The following RABEP2 variants were observed in gnomAD, a reference collection of about 807,000 sequenced individuals.
RABEP2 encodes the protein rab GTPase-binding effector protein 2.
In RABEP2, 57 loss-of-function variants were observed where a neutral mutation model predicts 74.1. The observed-to-expected ratio is 0.77, with a 90% confidence interval of 0.62 to 0.96. The LOEUF (loss-of-function observed/expected upper bound fraction) is 0.96, where lower values mean the gene tolerates loss of function less well. Among genes scored for constraint, RABEP2 ranks in the 40% least tolerant of loss-of-function variants. The pLI, the probability that RABEP2 is intolerant of heterozygous loss-of-function variation, is 0.00. For synonymous variants in RABEP2, 351 were observed against 344.0 expected, an observed-to-expected ratio of 1.02 and a Z score of -0.23; for missense variants, 692 against 756.3, an observed-to-expected ratio of 0.91 and a Z score of 1.00.
At chr16:28,905,795 T>C (rs1279479181) in intron 10 of RABEP2, 36 bp from the exon 11 acceptor site, 1 of 1,613,884 alleles carries the variant, frequency 6.2e-7, no homozygotes. Context: ...GTCAGGGCCA[T>C]GCCCTCTCCC....
In RABEP2 at chr16:28,906,166, GC is replaced by G. The variant is rs1180145600; in HGVS notation, c.1275del (p.Gln426LysfsTer22). The G allele has an allele frequency of 6.3e-7, 1 of 1,590,810 alleles. No homozygotes were observed. Among genetic ancestry groups the G allele is most frequent in the Non-Finnish European group, 8.5e-7 (1 of 1,174,168 alleles). On this transcript the variant is annotated frameshift_variant, in exon 9 of 13. Transcript: ENST00000358201. LOFTEE classifies it high-confidence loss of function. ...GCCTGCAGCCGGGCCCTCGCCTCTT[GC>G]CGCGTGCAGCACAGCAGCTGCTGCA... ...PELQQLLCCT[R>X]QEARARLQAQ... is the part of the protein sequence containing the mutation.
intron 5 of RABEP2, among the ~76,000 whole-genome samples, chr16:28,913,236 G>A (rs556442752): frequency 1.3e-5 from 2 of 149,778 alleles, no homozygotes; most frequent in African/African-American, 2.5e-5. Context: ...GGCCTGCCCC[G>A]GTCTTTAAGA....
intron 3 of RABEP2, among the ~76,000 whole-genome samples, chr16:28,915,915 C>T (rs1964386988): frequency 6.6e-6 from 1 of 151,448 alleles, no homozygotes; most frequent in Admixed American, 6.6e-5. Flanking sequence ...TCTCTGCTCA[C>T]TGCTACCTCT....
Position 28,904,486 on chromosome 16 carries a change from T to C in RABEP2, c.*457A>G. On this transcript the variant is annotated 3_prime_UTR_variant, in exon 13 of 13. Transcript: ENST00000358201. ...AGTCTGGCCTTGCCTCTGTGCAAGC[T>C]TGGAGGCCTGGGTCGCCGCTGTGGA... 1.3e-6 allele frequency: 2 copies of C among 1,502,570 alleles called. No homozygotes were observed. Among genetic ancestry groups the C allele is most frequent in the Non-Finnish European group, 1.8e-6 (2 of 1,125,568 alleles). The allele number at this position is 1,502,570 out of a possible 1,614,324, so 93.1% of individuals were successfully genotyped here.
chr16:28,913,112 G>A (rs1006286974), intron 5 of RABEP2, among the ~76,000 whole-genome samples: 22 of 151,982 alleles, frequency 1.4e-4, no homozygotes, highest in Admixed American at 6.6e-4. Context: ...ACAGGCATGC[G>A]CCACCATGCT....
chr16:28,905,651 TCTTTTCCACAG>T (rs1294452965), intron 11 of RABEP2, 42 bp downstream of exon 11: 5 of 1,589,256 alleles, frequency 3.1e-6, no homozygotes, highest in Non-Finnish European at 4.3e-6. Context: ...TGGGGGAGGG[TCTTTTCCACAG>T]CTGGGTCCCT....
intron 1 of RABEP2, 140 bp from the exon 2 acceptor site, chr16:28,924,755 C>T: frequency 1.3e-6 from 1 of 791,676 alleles, no homozygotes; most frequent in South Asian, 1.5e-5. Context: ...CTGGCCCCGC[C>T]CCTGCCCCGC....
At chr16:28,914,212 C>A in intron 5 of RABEP2, 24 bp downstream of exon 5, 1 of 1,550,732 alleles carries the variant, frequency 6.4e-7, no homozygotes. Flanking sequence ...TGGTACACCC[C>A]GCCACCCTGC....
chr16:28,906,126 G>GC lies in RABEP2; in HGVS notation c.1315dup (p.Ala439GlyfsTer84), dbSNP rs748722885. The stretch of plus-strand genomic sequence containing the variant: ...CACGATCTCGATCCGCAGGCGCTCG[G>GC]CCCCGTGCTCCTGGGCCTGCAGCCG... On this transcript the variant is annotated frameshift_variant, in exon 9 of 13. Transcript: ENST00000358201. LOFTEE classifies it high-confidence loss of function. 1.9e-6 allele frequency: 3 copies of GC among 1,579,034 alleles called. No homozygotes were observed. Among genetic ancestry groups the GC allele is most frequent in the Admixed American group, 1.9e-5 (1 of 53,440 alleles).
In RABEP2 at chr16:28,904,795, G is replaced by A; in HGVS notation, c.*148C>T. On this transcript the variant is annotated 3_prime_UTR_variant, in exon 13 of 13. Coordinates refer to ENST00000358201, the MANE Select transcript of RABEP2 (RefSeq NM_024816.3). ...GCCACCCTGGGAGGAGGCGCTGGAGGGCGGGGCGGTGGTGGCCCCCGTCAG... is the reference window on the plus strand; with the variant it reads ...GCCACCCTGGGAGGAGGCGCTGGAGAGCGGGGCGGTGGTGGCCCCCGTCAG... 1 of 693,594 alleles carries A rather than the reference G, an allele frequency of 1.4e-6. No individual in the cohort carries two copies. The highest frequency in any genetic ancestry group is 2.7e-5 in the East Asian group (1 of 36,364). The allele number at this position is 693,594 out of a possible 1,614,324, so 43.0% of individuals were successfully genotyped here.
Position 28,914,250 on chromosome 16 carries a change from G to T in RABEP2, c.880C>A (p.Gln294Lys), listed in dbSNP as rs769468734. ...ACAACACTCACCTCTGTCTGCAGCTGCTCCCACTGAGTGTCTGGGACGAGC... is the reference window on the plus strand; with the variant it reads ...ACAACACTCACCTCTGTCTGCAGCTTCTCCCACTGAGTGTCTGGGACGAGC... ...YQLVPDTQWE[Q>K]LQTEGRQLQK... The change falls in exon 5 of 13, where the codon CAG becomes AAG. Residue 294 changes from glutamine to lysine, a missense_variant. Gln to Lys is a moderately conservative substitution (Grantham distance 53). Coordinates refer to ENST00000358201, the MANE Select transcript of RABEP2 (RefSeq NM_024816.3). The T allele has an allele frequency of 2.1e-5, 34 of 1,603,236 alleles. No homozygotes were observed. The highest frequency in any genetic ancestry group is 2.7e-5 in the Non-Finnish European group (32 of 1,175,544).
At chr16:28,923,518 A>T (rs1964494998) in intron 2 of RABEP2, among the ~76,000 whole-genome samples, 1 of 152,210 alleles carries the variant, frequency 6.6e-6, no homozygotes. Context: ...TAATAAATGT[A>T]TGTAAACTTT....
chr16:28,917,611 G>A (rs546119579), intron 3 of RABEP2, among the ~76,000 whole-genome samples: 4 of 152,270 alleles, frequency 2.6e-5, no homozygotes, highest in Admixed American at 1.3e-4. Context: ...TAGTAGAGAC[G>A]GGGTTTCCCC....
intron 2 of RABEP2, among the ~76,000 whole-genome samples, chr16:28,920,353 AT>A (rs969099104): frequency 8.1e-5 from 12 of 147,554 alleles, no homozygotes; most frequent in Non-Finnish European, 1.6e-4. Context: ...AACGGTAAGA[AT>A]TTTTTTTGGT....
At chr16:28,918,950 T>C (rs1312903816) in intron 3 of RABEP2, among the ~76,000 whole-genome samples, 3 of 151,876 alleles carry the variant, frequency 2.0e-5, no homozygotes, top group Non-Finnish European at 4.4e-5. Flanking sequence ...CTTCCCAAAG[T>C]GCTGGGATTA....
At chr16:28,914,609 G>A (rs369333079) in intron 4 of RABEP2, 23 bp from the exon 5 acceptor site, 4 of 1,610,564 alleles carry the variant, frequency 2.5e-6, no homozygotes, top group Non-Finnish European at 3.4e-6. Context: ...GCAGGGAAGA[G>A]GCTGGGGGGC....
rs1234117518 is a variant in RABEP2 at position 28,905,017 on chromosome 16, C to T, written c.1636G>A (p.Glu546Lys). 2 of 1,610,026 alleles carry T rather than the reference C, an allele frequency of 1.2e-6. No individual in the cohort carries two copies. Among genetic ancestry groups the T allele is most frequent in the African/African-American group, 1.3e-5 (1 of 74,934 alleles). Residue 546 changes from glutamate (E) to lysine (K), a missense_variant, in exon 13 of 13, where the codon GAG becomes AAG. Transcript: ENST00000358201. Reference sequence around the variant, plus strand: ...ATGCTGCGCACTTGCTCCAGGGTCTCAGCCTGGCGGATCCGCTCTAGGCGC... The same window carrying T: ...ATGCTGCGCACTTGCTCCAGGGTCTTAGCCTGGCGGATCCGCTCTAGGCGC... ...QVRLERIRQA[E>K]TLEQVRSIMD...
intron 2 of RABEP2, among the ~76,000 whole-genome samples, chr16:28,923,492 T>C (rs1964494621): frequency 6.6e-6 from 1 of 152,076 alleles, no homozygotes; most frequent in African/African-American, 2.4e-5. Flanking sequence ...ATATAGTAGA[T>C]ATAACAAGTT....
chr16:28,924,920 T>C (rs916415440), intron 1 of RABEP2, 183 bp downstream of exon 1: 10 of 842,960 alleles, frequency 1.2e-5, no homozygotes, highest in Non-Finnish European at 1.9e-5. Context: ...TCACTGGCCC[T>C]ACCCCTTCAA....
Sources: allele counts gnomAD v4.1 joint callset (sites outside exome capture counted in the v4.1 genomes callset), GRCh38; gene constraint gnomAD v4.1.1; transcripts MANE v1.5; gene names NCBI Gene and HGNC (gene_info 2026-07-23, HGNC 2026-07-21).